RNF157: variants seen among roughly 807,000 people sequenced by gnomAD.
RNF157 encodes the protein E3 ubiquitin ligase RNF157.
A neutral mutation model predicts 88.3 loss-of-function variants in RNF157; 55 were observed. The ratio of observed to expected loss-of-function variants is 0.62; its 90% CI spans 0.50 to 0.78. The LOEUF (loss-of-function observed/expected upper bound fraction) is 0.78, where lower values mean the gene tolerates loss of function less well. Ranked by LOEUF, RNF157 falls within the 30% of genes least tolerant of loss-of-function variation. The pLI, the probability that RNF157 is intolerant of heterozygous loss-of-function variation, is 0.00. For missense variants in RNF157, 788 were observed against 860.8 expected (o/e 0.92, Z 1.06); for synonymous variants, 334 against 341.2 (o/e 0.98, Z 0.23).
intron 1 of RNF157, among the ~76,000 whole-genome samples, chr17:76,233,234 T>C (rs1294593294): frequency 6.6e-6 from 1 of 152,140 alleles, no homozygotes; most frequent in African/African-American, 2.4e-5. Flanking sequence ...GCACATTTTT[T>C]AATTGGATGG....
chr17:76,215,532 T>C (rs1182226804), intron 1 of RNF157, among the ~76,000 whole-genome samples: 1 of 118,850 alleles, frequency 8.4e-6, no homozygotes, highest in Non-Finnish European at 1.7e-5. Context: ...AAAAGATTTA[T>C]AGCAAACTAA....
chr17:76,173,665 G>T, intron 3 of RNF157, 37 bp downstream of exon 3: 1 of 1,508,852 alleles, frequency 6.6e-7, no homozygotes, highest in East Asian at 2.3e-5. Context: ...CCCAAAGGAA[G>T]GTGCCTGGGA....
chr17:76,214,544 A>G (rs1385332061), intron 1 of RNF157, among the ~76,000 whole-genome samples: 1 of 152,166 alleles, frequency 6.6e-6, no homozygotes, highest in Non-Finnish European at 1.5e-5. Flanking sequence ...ATACGAATTT[A>G]GATAATACAG....
chr17:76,229,795 C>A (rs566340296), intron 1 of RNF157, among the ~76,000 whole-genome samples: 4 of 151,984 alleles, frequency 2.6e-5, no homozygotes, highest in Admixed American at 2.0e-4. Flanking sequence ...CTTGATGGAA[C>A]CTAAACTGCT....
chr17:76,209,909 A>G (rs2069752478), intron 2 of RNF157, among the ~76,000 whole-genome samples: 1 of 152,034 alleles, frequency 6.6e-6, no homozygotes, highest in African/African-American at 2.4e-5. Context: ...ACAGGCTCAC[A>G]CCACCACGCC....
rs752939507 is a variant in RNF157, at chr17:76,166,990, C to A, written c.561+19G>T. 3.8e-6 allele frequency: 6 copies of A among 1,573,950 alleles called. No homozygotes were observed. In the African/African-American group the frequency reaches 6.8e-5, roughly 18 times the overall value. On this transcript the variant is annotated intron_variant, in intron 5 of 18. Transcript: ENST00000269391. ...CCCTTCTGAGTGGATGTGGGAAACC[C>A]TCCCCAGAGGCAGCTCACCTCCTCT...
intron 1 of RNF157, among the ~76,000 whole-genome samples, chr17:76,231,420 C>G (rs997293772): frequency 3.3e-5 from 5 of 152,138 alleles, no homozygotes; most frequent in African/African-American, 1.2e-4. Context: ...CTTGTCTTCT[C>G]AACTTTTTAC....
intron 2 of RNF157, among the ~76,000 whole-genome samples, chr17:76,205,593 T>G (rs944080696): frequency 6.6e-6 from 1 of 152,014 alleles, no homozygotes; most frequent in Non-Finnish European, 1.5e-5. Flanking sequence ...AGCGTGGTGG[T>G]GTGTGCCTGT....
intron 2 of RNF157, among the ~76,000 whole-genome samples, chr17:76,210,588 C>CAAAAAAAAAAAAAA (rs71161274): frequency 7.5e-5 from 4 of 53,522 alleles, no homozygotes; most frequent in East Asian, 7.6e-4. Flanking sequence ...AGACTCCGTC[C>CAAAAAAAAAAAAAA]AAAAAAAAAA....
At chr17:76,187,622 C>T (rs1387271682) in intron 2 of RNF157, among the ~76,000 whole-genome samples, 1 of 151,954 alleles carries the variant, frequency 6.6e-6, no homozygotes, top group Non-Finnish European at 1.5e-5. Context: ...GAGACAGGTT[C>T]TCACTCTGTC....
At chr17:76,189,078 A>G (rs2069340255) in intron 2 of RNF157, among the ~76,000 whole-genome samples, 1 of 152,212 alleles carries the variant, frequency 6.6e-6, no homozygotes, top group African/African-American at 2.4e-5. Context: ...ACTAGCACAC[A>G]TTGGAGGAGA....
At chr17:76,156,059 C>T in intron 14 of RNF157, 151 bp downstream of exon 14, 2 of 644,466 alleles carry the variant, frequency 3.1e-6, no homozygotes, top group South Asian at 2.0e-5. Context: ...GGTAGGAAAG[C>T]AAGTCCTCTT....
In RNF157 at chr17:76,145,549, C is replaced by T. The variant is rs565670583; in HGVS notation, c.1922-196G>A. 412 of 541,824 alleles carry T rather than the reference C, an allele frequency of 7.6e-4. 2 individuals carry two copies. The highest frequency in any genetic ancestry group is 7.2e-3 in the African/African-American group (377 of 52,402). The allele number at this position is 541,824 out of a possible 1,614,324, so 33.6% of individuals were successfully genotyped here. A position where few individuals can be genotyped will look rare whatever the true frequency, so the allele number is the denominator to read the frequency against. ...GTGCTGACAGGTGCAGAGCCTGCTCCTGCCCCCTGGGCTAGGTACAGTCAC... is the reference window on the plus strand; with the variant it reads ...GTGCTGACAGGTGCAGAGCCTGCTCTTGCCCCCTGGGCTAGGTACAGTCAC... On this transcript the variant is annotated intron_variant, in intron 18 of 18. Transcript: ENST00000269391.
intron 1 of RNF157, among the ~76,000 whole-genome samples, chr17:76,228,941 A>AG (rs1341058813): frequency 4.0e-5 from 6 of 150,492 alleles, no homozygotes; most frequent in African/African-American, 1.5e-4. Flanking sequence ...TAATAATAAT[A>AG]CAAAAAAAAA....
intron 2 of RNF157, among the ~76,000 whole-genome samples, chr17:76,189,911 A>T (rs1216030549): frequency 6.6e-6 from 1 of 152,224 alleles, no homozygotes; most frequent in Non-Finnish European, 1.5e-5. Flanking sequence ...TCATAGGAAC[A>T]GCCAGGCGCA....
In RNF157 at chr17:76,155,663, A is replaced by G; in HGVS notation, c.1597T>C (p.Ser533Pro). The change falls in exon 15 of 19, where the codon TCC becomes CCC. Residue 533 changes from serine to proline, a missense_variant. Transcript: ENST00000269391. ...ASSQISTDTV[S>P]SMSGSYIAPG... Reference sequence around the variant, plus strand: ...GCGATGTAGGAGCCAGACATGGAGGAGACGGTGTCAGTGCTGATCTGGGAG... The same window carrying G: ...GCGATGTAGGAGCCAGACATGGAGGGGACGGTGTCAGTGCTGATCTGGGAG... The G allele has an allele frequency of 6.2e-7, 1 of 1,613,668 alleles. No homozygotes were observed. Among genetic ancestry groups the G allele is most frequent in the Non-Finnish European group, 8.5e-7 (1 of 1,179,830 alleles).
chr17:76,162,057 C>A, intron 9 of RNF157, 55 bp from the exon 10 acceptor site: 1 of 1,564,278 alleles, frequency 6.4e-7, no homozygotes. Flanking sequence ...CTGTCCCATA[C>A]TTTACTGACA....
In RNF157 at chr17:76,167,706, C is replaced by T; in HGVS notation, c.388G>A (p.Val130Ile). Residue 130 changes from valine to isoleucine, a missense_variant, in exon 4 of 19, where the codon GTA becomes ATA. Transcript: ENST00000269391. ...GCCTGGTAATAGATGGTGATGGCTACCCGAGCATCTGTGTCAAAGGTGAAC... is the reference window on the plus strand; with the variant it reads ...GCCTGGTAATAGATGGTGATGGCTATCCGAGCATCTGTGTCAAAGGTGAAC... ...VEFTFDTDAR[V>I]AITIYYQATE... 9 of 1,614,188 alleles carry T rather than the reference C, an allele frequency of 5.6e-6. No homozygotes were observed. The highest frequency in any genetic ancestry group is 4.5e-5 in the East Asian group (2 of 44,878).
rs774979009 is a variant in RNF157, at chr17:76,176,810, G to A, written c.208-3020C>T. On this transcript the variant is annotated intron_variant, in intron 2 of 18. Coordinates refer to ENST00000269391, the MANE Select transcript of RNF157 (RefSeq NM_052916.3). This position sits in a 1 kb window ranked among gnomAD's most constrained non-coding sequence, Gnocchi z 4.2. Reference sequence around the variant, plus strand: ...GAGCGCCAGGGCCAGGCCTGGGCGCGGAGCTGGGGCCATGCTTCAGGGGCC... The same window carrying A: ...GAGCGCCAGGGCCAGGCCTGGGCGCAGAGCTGGGGCCATGCTTCAGGGGCC... Among the ~76,000 whole-genome samples, 47 of 152,200 alleles carry A rather than the reference G, an allele frequency of 3.1e-4. No individual in the cohort carries two copies. Among genetic ancestry groups the A allele is most frequent in the Non-Finnish European group, 6.2e-4 (42 of 68,014 alleles).
Sources: allele counts gnomAD v4.1 joint callset (sites outside exome capture counted in the v4.1 genomes callset), GRCh38; gene constraint gnomAD v4.1.1; non-coding constraint Gnocchi (gnomAD v3.1); transcripts MANE v1.5; gene names NCBI Gene and HGNC (gene_info 2026-07-23, HGNC 2026-07-21).